Variants in RAPGEF1 observed in about 807,000 individuals in gnomAD.
RAPGEF1 encodes CRK SH3-binding GNRP.
In RAPGEF1, 33 loss-of-function variants were observed where a neutral mutation model predicts 143.3. The observed-to-expected ratio is 0.23, with a 90% confidence interval of 0.17 to 0.31. The LOEUF (loss-of-function observed/expected upper bound fraction) is 0.31. RAPGEF1 is among the 10% of genes least tolerant of loss of function. The pLI is 1.00. For synonymous variants in RAPGEF1, 629 were observed against 676.5 expected (o/e 0.93, Z 1.09); for missense variants, 1,199 against 1,645.4 (o/e 0.73, Z 4.69).
At chr9:131,607,949 C>T (rs980785212) in intron 12 of RAPGEF1, among the ~76,000 whole-genome samples, 2 of 152,182 alleles carry the variant, frequency 1.3e-5, no homozygotes, top group East Asian at 1.9e-4. Context: ...TGTGTTTAGC[C>T]GGTTTTAATT....
At chr9:131,662,551 G>GT (rs112255424) in intron 1 of RAPGEF1, among the ~76,000 whole-genome samples, 2,839 of 129,862 alleles carry the variant, frequency 0.022, 78 homozygotes, top group East Asian at 0.17. Context: ...GTTTTATTTT[G>GT]TTTTTTTTTT....
chr9:131,703,835 T>A (rs2131142991), intron 1 of RAPGEF1, among the ~76,000 whole-genome samples: 2 of 152,262 alleles, frequency 1.3e-5, no homozygotes, highest in African/African-American at 2.4e-5. Flanking sequence ...TTCAAGACCA[T>A]CAGGCATGCG....
chr9:131,715,790 G>A (rs1475881949), intron 1 of RAPGEF1, among the ~76,000 whole-genome samples: 4 of 151,412 alleles, frequency 2.6e-5, no homozygotes, highest in Admixed American at 6.6e-5. Context: ...ACTTGAACCC[G>A]GGAGGTGGAG....
chr9:131,709,918 TCG>T, intron 1 of RAPGEF1: 1 of 985,436 alleles, frequency 1.0e-6, no homozygotes, highest in South Asian at 4.7e-5. Context: ...GGGCTTGTTA[TCG>T]CCCTACCGGT....
intron 1 of RAPGEF1, among the ~76,000 whole-genome samples, chr9:131,666,204 G>A (rs1830403504): frequency 6.6e-6 from 1 of 152,116 alleles, no homozygotes; most frequent in African/African-American, 2.4e-5. Context: ...AACTCATTCA[G>A]GAACTTTCTT....
At chr9:131,694,746 C>A (rs1834016240) in intron 1 of RAPGEF1, among the ~76,000 whole-genome samples, 1 of 151,046 alleles carries the variant, frequency 6.6e-6, no homozygotes, top group African/African-American at 2.5e-5. Flanking sequence ...CCCTGGAATT[C>A]CTGATGCCCC....
At chr9:131,721,341 G>A (rs1196282387) in intron 1 of RAPGEF1, among the ~76,000 whole-genome samples, 5 of 152,134 alleles carry the variant, frequency 3.3e-5, no homozygotes, top group Admixed American at 6.5e-5. Flanking sequence ...CATCTGTCAC[G>A]CGCTCTGTCA....
intron 12 of RAPGEF1, among the ~76,000 whole-genome samples, chr9:131,611,234 GAC>G (rs1957978625): frequency 6.6e-6 from 1 of 152,186 alleles, no homozygotes; most frequent in Non-Finnish European, 1.5e-5. Flanking sequence ...CTGTGTGAAT[GAC>G]AAGATGGCAT....
At chr9:131,730,041 A>C (rs1216183593) in intron 1 of RAPGEF1, among the ~76,000 whole-genome samples, 1 of 151,844 alleles carries the variant, frequency 6.6e-6, no homozygotes, top group East Asian at 1.9e-4. Context: ...AAAAATACAA[A>C]AAATTAGCCA....
chr9:131,709,602 A>G (rs1480393733), intron 1 of RAPGEF1: 1 of 1,611,528 alleles, frequency 6.2e-7, no homozygotes, highest in Non-Finnish European at 8.5e-7. Flanking sequence ...CTGGAAAGGA[A>G]GCCCAGGGCT....
rs577821610 is a variant in RAPGEF1, at chr9:131,647,980, C to T, written c.315+2149G>A. On this transcript the variant is annotated intron_variant, in intron 3 of 26. Transcript: ENST00000683357. Reference sequence around the variant, plus strand: ...TGCTTTGCCTTCCTATGGCAACAACCAAAAATGTCTCCAGACATTGCCAAA... The same window carrying T: ...TGCTTTGCCTTCCTATGGCAACAACTAAAAATGTCTCCAGACATTGCCAAA... Among the ~76,000 whole-genome samples, 6 of 152,056 alleles carry T rather than the reference C, an allele frequency of 3.9e-5. No homozygotes were observed. The South Asian group carries it at 1.2e-3, about 32-fold the overall frequency.
intron 1 of RAPGEF1, among the ~76,000 whole-genome samples, chr9:131,723,152 C>G (rs1425565444): frequency 2.0e-5 from 3 of 152,202 alleles, no homozygotes; most frequent in African/African-American, 7.2e-5. Flanking sequence ...CGAGATCACA[C>G]CATTGCACTT....
At chr9:131,620,560 G>A (rs926563456) in intron 11 of RAPGEF1, among the ~76,000 whole-genome samples, 7 of 152,198 alleles carry the variant, frequency 4.6e-5, no homozygotes, top group Non-Finnish European at 7.4e-5. Context: ...GTGAGGATCT[G>A]AGACTCTGAA....
At chr9:131,620,814 C>T (rs1026125361) in intron 11 of RAPGEF1, among the ~76,000 whole-genome samples, 3 of 152,238 alleles carry the variant, frequency 2.0e-5, no homozygotes, top group East Asian at 1.9e-4. Flanking sequence ...GACATTTGTC[C>T]TCCAGTCTGC....
At chr9:131,663,356 T>C (rs955279895) in intron 1 of RAPGEF1, among the ~76,000 whole-genome samples, 1 of 152,176 alleles carries the variant, frequency 6.6e-6, no homozygotes, top group Admixed American at 6.5e-5. Context: ...GACATTCTCC[T>C]GCATAAATAA....
chr9:131,622,786 A>G (rs963769457), intron 10 of RAPGEF1, among the ~76,000 whole-genome samples: 79 of 134,702 alleles, frequency 5.9e-4, no homozygotes, highest in African/African-American at 2.3e-3. Flanking sequence ...TTTTTTTTTG[A>G]GACAGAGTTT....
In RAPGEF1 at chr9:131,643,155, C is replaced by G. The variant is rs889707740; in HGVS notation, c.494+84G>C. 11 of 1,441,038 alleles carry G rather than the reference C, an allele frequency of 7.6e-6. No individual in the cohort carries two copies. In the African/African-American group the frequency reaches 1.1e-4, roughly 15 times the overall value. 89.3% of individuals were successfully genotyped at this position (1,441,038 alleles called of 1,614,324 possible). Reference sequence around the variant, plus strand: ...TCCTTTTCCTGACTGTTCCTAGGAACCTTGAGTTTCCAGTGCCACCAAACC... The same window carrying G: ...TCCTTTTCCTGACTGTTCCTAGGAAGCTTGAGTTTCCAGTGCCACCAAACC... On this transcript the variant is annotated intron_variant, in intron 4 of 26. Coordinates refer to ENST00000683357, the MANE Select transcript of RAPGEF1 (RefSeq NM_001377935.1).
At chr9:131,730,547 T>C (rs1170462190) in intron 1 of RAPGEF1, among the ~76,000 whole-genome samples, 1 of 151,266 alleles carries the variant, frequency 6.6e-6, no homozygotes, top group African/African-American at 2.4e-5. Context: ...ATACAAAAAT[T>C]AGCCGGGCGT....
At position 131,584,609 on chromosome 9, in the gene RAPGEF1, A is replaced by AG. The variant is rs779854922; in HGVS notation, c.3234-14dup. ...TATGGACCGGACCCTGCATGGACCA[A>AG]GGGAAAAAGAAACAGCTGAGTTGAC... On this transcript the variant is annotated splice_polypyrimidine_tract_variant and intron_variant, in intron 22 of 26. Coordinates refer to ENST00000683357, the MANE Select transcript of RAPGEF1 (RefSeq NM_001377935.1). The surrounding 1 kb of genome is among the most constrained non-coding windows in gnomAD (Gnocchi z 6.8). 6.2e-7 allele frequency: 1 copy of AG among 1,613,604 alleles called. No homozygotes were observed. The highest frequency in any genetic ancestry group is 1.7e-5 in the Admixed American group (1 of 60,032).
Sources: allele counts gnomAD v4.1 joint callset (sites outside exome capture counted in the v4.1 genomes callset), GRCh38; gene constraint gnomAD v4.1.1; non-coding constraint Gnocchi (gnomAD v3.1); transcripts MANE v1.5; gene names NCBI Gene and HGNC (gene_info 2026-07-23, HGNC 2026-07-21).